ARHGAP39: variants seen among roughly 807,000 people sequenced by gnomAD.
The protein encoded by ARHGAP39 is rho GTPase-activating protein 39.
A neutral mutation model predicts 106.9 loss-of-function variants in ARHGAP39; 44 were observed. The ratio of observed to expected loss-of-function variants is 0.41; its 90% confidence interval spans 0.32 to 0.53. The LOEUF is 0.53. Ranked by LOEUF, ARHGAP39 falls within the 20% of genes least tolerant of loss-of-function variation. ARHGAP39 has a pLI of 0.21. For synonymous variants in ARHGAP39, 768 were observed against 693.2 expected, an observed-to-expected ratio of 1.11 and a Z score of -1.69; for missense variants, 1,496 against 1,577.3, an observed-to-expected ratio of 0.95 and a Z score of 0.87.
chr8:144,571,781 C>T (rs1818595668), intron 3 of ARHGAP39, among the ~76,000 whole-genome samples: 1 of 152,232 alleles, frequency 6.6e-6, no homozygotes, highest in Non-Finnish European at 1.5e-5. Flanking sequence ...TGATAAGCAA[C>T]TTCAGCAAAG....
intron 1 of ARHGAP39, among the ~76,000 whole-genome samples, chr8:144,674,737 AG>A (rs1822186968): frequency 6.6e-6 from 1 of 152,176 alleles, no homozygotes; most frequent in Admixed American, 6.5e-5. Flanking sequence ...AGCTGCCCTC[AG>A]CCCCTCCTCG....
intron 1 of ARHGAP39, among the ~76,000 whole-genome samples, chr8:144,614,375 C>T (rs1463580321): frequency 2.8e-5 from 4 of 143,394 alleles, no homozygotes; most frequent in East Asian, 2.0e-4. Context: ...TTTTTTGAGA[C>T]GGAGTCTCGC....
intron 3 of ARHGAP39, among the ~76,000 whole-genome samples, chr8:144,571,218 G>A (rs533182156): frequency 1.3e-5 from 2 of 152,178 alleles, no homozygotes; most frequent in South Asian, 2.1e-4. Flanking sequence ...GGTGAACATC[G>A]ATGCGAAAAT....
At chr8:144,539,531 T>C (rs367877290) in intron 6 of ARHGAP39, among the ~76,000 whole-genome samples, 2 of 152,232 alleles carry the variant, frequency 1.3e-5, no homozygotes, top group Non-Finnish European at 2.9e-5. Flanking sequence ...AGTTTTATAG[T>C]TTTAGGTTTT....
intron 1 of ARHGAP39, among the ~76,000 whole-genome samples, chr8:144,681,044 C>A (rs1242158168): frequency 6.6e-6 from 1 of 152,132 alleles, no homozygotes; most frequent in African/African-American, 2.4e-5. Context: ...GCAGAAGTGG[C>A]AGAGGAGTTG....
intron 1 of ARHGAP39, among the ~76,000 whole-genome samples, chr8:144,619,725 T>G (rs907297463): frequency 1.3e-5 from 2 of 149,382 alleles, no homozygotes; most frequent in Non-Finnish European, 3.0e-5. Flanking sequence ...AGCATATGTG[T>G]CCGTGTGCGT....
chr8:144,642,773 C>T (rs1821345583), intron 1 of ARHGAP39, among the ~76,000 whole-genome samples: 1 of 152,316 alleles, frequency 6.6e-6, no homozygotes, highest in South Asian at 2.1e-4. Context: ...GCCTCCCCAA[C>T]TGTGTTGAAC....
chr8:144,580,998 C>T lies in ARHGAP39; in HGVS notation c.360G>A (p.Ala120=), dbSNP rs1312844399. 4.4e-6 allele frequency: 7 copies of T among 1,593,194 alleles called. No homozygotes were observed. The highest frequency in any genetic ancestry group is 4.0e-5 in the African/African-American group (3 of 74,638). ...KQNTESPRAS[A]ESSPGRGSSV... is the part of the protein sequence containing the mutation. ...TGCTGCCGCGCCCGGGGCTGCTCTC[C>T]GCCGAGGCGCGCGGGGACTCCGTGT... The change falls in exon 3 of 12, where the codon GCG becomes GCA. Residue 120 remains alanine (A), a synonymous_variant. Transcript: ENST00000377307.
At chr8:144,606,258 C>T (rs1222808404) in intron 1 of ARHGAP39, among the ~76,000 whole-genome samples, 1 of 152,174 alleles carries the variant, frequency 6.6e-6, no homozygotes, top group African/African-American at 2.4e-5. Flanking sequence ...GTGTACAGTC[C>T]ATCCTTGAAA....
At chr8:144,561,404 A>ACT (rs1818147709) in intron 3 of ARHGAP39, among the ~76,000 whole-genome samples, 2 of 138,428 alleles carry the variant, frequency 1.4e-5, no homozygotes, top group African/African-American at 5.5e-5. Flanking sequence ...GGTGTCCATC[A>ACT]CACTCCAGTG....
chr8:144,696,960 C>T, the ARHGAP39 span, among the ~76,000 whole-genome samples: 1 of 152,104 alleles, frequency 6.6e-6, no homozygotes, highest in African/African-American at 2.4e-5. Context: ...TTAATTAAGG[C>T]TTTAAATACC....
At chr8:144,629,634 C>A (rs919518756) in intron 1 of ARHGAP39, among the ~76,000 whole-genome samples, 2 of 152,208 alleles carry the variant, frequency 1.3e-5, no homozygotes, top group African/African-American at 4.8e-5. Flanking sequence ...TCTTGATCAA[C>A]AAAAGTAGCA....
chr8:144,620,141 G>A (rs540035885), intron 1 of ARHGAP39, among the ~76,000 whole-genome samples: 1 of 145,658 alleles, frequency 6.9e-6, no homozygotes, highest in African/African-American at 2.5e-5. Context: ...GAGCCTGTGT[G>A]TCCCTGAGAG....
chr8:144,582,311 C>T (rs1819024605), intron 2 of ARHGAP39, among the ~76,000 whole-genome samples: 1 of 152,206 alleles, frequency 6.6e-6, no homozygotes, highest in South Asian at 2.1e-4. Context: ...TGAAACCAGG[C>T]CAGGGACACG....
In ARHGAP39 at chr8:144,585,889, C is replaced by T. The variant is rs912100622; in HGVS notation, c.81-4612G>A. 1.3e-5 allele frequency among the ~76,000 whole-genome samples: 2 copies of T among 152,218 alleles called. No individual in the cohort carries two copies. Among genetic ancestry groups the T allele is most frequent in the African/African-American group, 2.4e-5 (1 of 41,468 alleles). Reference sequence around the variant, plus strand: ...GGGTGCCCTGCCTTCCCCCTGGAGCCGGCTCTCCCCGAGGGACAGATGGGG... The same window carrying T: ...GGGTGCCCTGCCTTCCCCCTGGAGCTGGCTCTCCCCGAGGGACAGATGGGG... On this transcript the variant is annotated intron_variant, in intron 2 of 11. Transcript: ENST00000377307. This position sits in a 1 kb window ranked among gnomAD's most constrained non-coding sequence, Gnocchi z 4.6.
chr8:144,567,999 T>A (rs1175292997), intron 3 of ARHGAP39, among the ~76,000 whole-genome samples: 1 of 152,140 alleles, frequency 6.6e-6, no homozygotes, highest in Non-Finnish European at 1.5e-5. Flanking sequence ...GTGTCTTTAT[T>A]TCTACAATCT....
chr8:144,602,066 T>TGA (rs1820004519), intron 2 of ARHGAP39, among the ~76,000 whole-genome samples: 1 of 124,188 alleles, frequency 8.1e-6, no homozygotes, highest in Admixed American at 8.4e-5. Flanking sequence ...CATGCGTGCG[T>TGA]GCTCATGTAC....
rs1268887571 is a variant in ARHGAP39, at chr8:144,546,029, G to A, written c.1960-219C>T. ...GGGACGCCGGAGCCCTGTACTCCCA[G>A]GGTGTGGCAGGGCAGCCTGCTGATG... is the stretch of plus-strand genomic sequence containing the variant. On this transcript the variant is annotated intron_variant, in intron 5 of 11. Coordinates refer to ENST00000377307, the MANE Select transcript of ARHGAP39 (RefSeq NM_025251.3). Among the ~76,000 whole-genome samples the A allele has an allele frequency of 3.3e-5, 5 of 152,342 alleles. No individual in the cohort carries two copies. In the East Asian group the frequency reaches 9.6e-4, roughly 29 times the overall value.
chr8:144,572,891 C>T (rs1028737636), intron 3 of ARHGAP39, among the ~76,000 whole-genome samples: 4 of 152,202 alleles, frequency 2.6e-5, no homozygotes, highest in Non-Finnish European at 5.9e-5. Flanking sequence ...CACTGGCCAT[C>T]AGAGAAACGC....
Sources: allele counts gnomAD v4.1 joint callset (sites outside exome capture counted in the v4.1 genomes callset), GRCh38; gene constraint gnomAD v4.1.1; non-coding constraint Gnocchi (gnomAD v3.1); transcripts MANE v1.5; gene names NCBI Gene and HGNC (gene_info 2026-07-23, HGNC 2026-07-21).